KLHL2: variants seen among roughly 807,000 people sequenced by gnomAD.
The protein encoded by KLHL2 is kelch-like protein 2.
KLHL2 carries 15 observed loss-of-function variants against 75.8 expected under a neutral mutation model. The ratio of observed to expected loss-of-function variants is 0.20; its 90% CI spans 0.13 to 0.30. KLHL2 has a LOEUF of 0.30. Among genes scored for constraint, KLHL2 ranks in the 10% least tolerant of loss-of-function variants. The pLI is 1.00. For missense variants in KLHL2, 381 were observed against 741.0 expected (o/e 0.51, Z 5.64); for synonymous variants, 214 against 251.9 (o/e 0.85, Z 1.42).
intron 6 of KLHL2, among the ~76,000 whole-genome samples, chr4:165,294,816 C>T (rs1744792856): frequency 6.6e-6 from 1 of 152,206 alleles, no homozygotes; most frequent in South Asian, 2.1e-4. Flanking sequence ...CTTCCTACAA[C>T]TCAATGCCTG....
At chr4:165,299,447 T>C in intron 7 of KLHL2, 60 bp from the exon 8 acceptor site, 1 of 1,444,106 alleles carries the variant, frequency 6.9e-7, no homozygotes, top group Admixed American at 2.4e-5. Context: ...TCTTTTTCTT[T>C]GGCAATTTAA....
Position 165,314,007 on chromosome 4 carries a change from G to T in KLHL2, c.1469-19G>T, listed in dbSNP as rs182330523. Reference sequence around the variant, plus strand: ...TCTTGTTCTTTTTGCCCCTCTATTTGGCTGGTTGTGTTTTATAGGTGTTGG... The same window carrying T: ...TCTTGTTCTTTTTGCCCCTCTATTTTGCTGGTTGTGTTTTATAGGTGTTGG... On this transcript the variant is annotated intron_variant, in intron 12 of 14. Transcript: ENST00000226725. The T allele has an allele frequency of 1.9e-6, 3 of 1,602,400 alleles. No homozygotes were observed. The Admixed American group carries it at 5.2e-5, about 28-fold the overall frequency.
At chr4:165,303,825 A>G (rs1209620241) in intron 8 of KLHL2, among the ~76,000 whole-genome samples, 1 of 152,054 alleles carries the variant, frequency 6.6e-6, no homozygotes, top group East Asian at 1.9e-4. Flanking sequence ...TGGCCTCCCA[A>G]AGTGCTGGGA....
At chr4:165,219,232 G>A (rs192606582) in intron 1 of KLHL2, among the ~76,000 whole-genome samples, 189 of 151,968 alleles carry the variant, frequency 1.2e-3, no homozygotes, top group African/African-American at 4.4e-3. Context: ...AAAAGAACAA[G>A]ATGGAGAATC....
chr4:165,237,737 C>T (rs905047470), intron 3 of KLHL2, among the ~76,000 whole-genome samples: 49 of 152,240 alleles, frequency 3.2e-4, no homozygotes, highest in African/African-American at 1.1e-3. Context: ...AATAGTGGCA[C>T]GTTCTCATGC....
rs1187856274 is a variant in KLHL2 at position 165,264,721 on chromosome 4, C to CATATATATATATAT, written c.544+1367_544+1380dup. ...GTGTGTGTGTATATATATATATATACATATATATATATATATATGTATATA... is the reference window on the plus strand; with the variant it reads ...GTGTGTGTGTATATATATATATATACATATATATATATATATATATATATATATATATGTATATA... On this transcript the variant is annotated intron_variant, in intron 5 of 14. Coordinates refer to ENST00000226725, the MANE Select transcript of KLHL2 (RefSeq NM_007246.4). 1.8e-4 allele frequency among the ~76,000 whole-genome samples: 13 copies of CATATATATATATAT among 71,190 alleles called. 1 individual carries two copies. Among genetic ancestry groups the CATATATATATATAT allele is most frequent in the South Asian group, 1.3e-3 (2 of 1,536 alleles). The allele number at this position is 71,190 out of a possible 152,430, so 46.7% of individuals were successfully genotyped here. A position where few individuals can be genotyped will look rare whatever the true frequency, so the allele number is the denominator to read the frequency against.
intron 1 of KLHL2, chr4:165,210,263 TTG>T: frequency 1.5e-6 from 2 of 1,321,308 alleles, no homozygotes; most frequent in Non-Finnish European, 1.1e-6. Flanking sequence ...GTGCTTTTGC[TTG>T]TGTTCTCTTT....
intron 10 of KLHL2, 63 bp from the exon 11 acceptor site, chr4:165,311,401 C>CAT (rs1437728114): frequency 1.7e-6 from 2 of 1,160,408 alleles, no homozygotes; most frequent in East Asian, 4.8e-5. Flanking sequence ...AGTATTTTTC[C>CAT]ATATATATGA....
chr4:165,249,697 A>G (rs1201392068), intron 4 of KLHL2, among the ~76,000 whole-genome samples: 2 of 152,192 alleles, frequency 1.3e-5, no homozygotes, highest in African/African-American at 2.4e-5. Context: ...GGATGTGCCA[A>G]ACTCCACCAG....
Position 165,286,141 on chromosome 4 carries a change from G to T in KLHL2, c.545-8218G>T, listed in dbSNP as rs143638325. ...TGAAGCATAGCATCAGTGGAAAAAT[G>T]CACAATGATGAAAAGTCAGACCACA... On this transcript the variant is annotated intron_variant, in intron 5 of 14. Coordinates refer to ENST00000226725, the MANE Select transcript of KLHL2 (RefSeq NM_007246.4). Among the ~76,000 whole-genome samples the T allele has an allele frequency of 8.0e-3, 1,224 of 152,262 alleles. 22 individuals are homozygous for T. The highest frequency in any genetic ancestry group is 0.028 in the African/African-American group (1,152 of 41,532).
rs1382905213 is a variant in KLHL2 at position 165,322,482 on chromosome 4, T to TA, written c.*423dup. On this transcript the variant is annotated 3_prime_UTR_variant, in exon 15 of 15. Transcript: ENST00000226725. ...CAGGAACTGAAAATCTTTGAACAGA[T>TA]ATTAAAATCTACGTAAGTATACAAA... is the stretch of plus-strand genomic sequence containing the variant. 1.9e-5 allele frequency: 3 copies of TA among 156,202 alleles called. No homozygotes were observed. Among genetic ancestry groups the TA allele is most frequent in the African/African-American group, 7.2e-5 (3 of 41,554 alleles). 9.7% of individuals were successfully genotyped at this position (156,202 alleles called of 1,614,324 possible).
At chr4:165,316,899 G>T (rs1360524822) in intron 13 of KLHL2, among the ~76,000 whole-genome samples, 1 of 151,980 alleles carries the variant, frequency 6.6e-6, no homozygotes, top group Non-Finnish European at 1.5e-5. Context: ...GCTACTTTGG[G>T]GTTAAAAAAG....
intron 7 of KLHL2, among the ~76,000 whole-genome samples, chr4:165,299,022 A>G (rs891369734): frequency 6.9e-6 from 1 of 145,564 alleles, no homozygotes; most frequent in Non-Finnish European, 1.5e-5. Context: ...TACAAGATTT[A>G]TTTGTGTTAT....
rs556311242 is a variant in KLHL2 at position 165,303,916 on chromosome 4, C to T, written c.922-1692C>T. On this transcript the variant is annotated intron_variant, in intron 8 of 14. Transcript: ENST00000226725. ...TGTGAGACAGAGTCTCACTCTGTTG[C>T]CCAGGCTGAAGTGTAATGGTGCAAT... Among the ~76,000 whole-genome samples the T allele has an allele frequency of 7.9e-5, 12 of 151,230 alleles. No homozygotes were observed. The South Asian group carries it at 2.3e-3, about 29-fold the overall frequency.
chr4:165,293,803 A>T (rs908260909), intron 5 of KLHL2, among the ~76,000 whole-genome samples: 1 of 151,654 alleles, frequency 6.6e-6, no homozygotes, highest in South Asian at 2.1e-4. Context: ...GGCATGAGCC[A>T]CTGCGCCCGG....
chr4:165,270,393 G>A (rs149805576), intron 5 of KLHL2, among the ~76,000 whole-genome samples: 11,390 of 152,206 alleles, frequency 0.075, 892 homozygotes, highest in African/African-American at 0.2. Flanking sequence ...CTTTGAAGGA[G>A]AAGAGATGCT....
intron 4 of KLHL2, chr4:165,252,512 T>G (rs1192086913): frequency 6.6e-6 from 1 of 152,250 alleles, no homozygotes; most frequent in African/African-American, 2.4e-5. Context: ...TTAATGTGCT[T>G]CTGATAATCT....
chr4:165,270,078 A>G (rs879114213), intron 5 of KLHL2, among the ~76,000 whole-genome samples: 2 of 152,102 alleles, frequency 1.3e-5, no homozygotes, highest in South Asian at 2.1e-4. Context: ...TTGATCTTCA[A>G]TCAGTGATAT....
rs1579204864 is a variant in KLHL2 at position 165,322,683 on chromosome 4, T to C, written c.*623T>C. 1 of 152,688 alleles carries C rather than the reference T, an allele frequency of 6.5e-6. No individual in the cohort carries two copies. Among genetic ancestry groups the C allele is most frequent in the Non-Finnish European group, 1.5e-5 (1 of 68,064 alleles). The allele number at this position is 152,688 out of a possible 1,614,324, so 9.5% of individuals were successfully genotyped here. On this transcript the variant is annotated 3_prime_UTR_variant, in exon 15 of 15. Coordinates refer to ENST00000226725, the MANE Select transcript of KLHL2 (RefSeq NM_007246.4). The stretch of plus-strand genomic sequence containing the variant: ...ACAGTACTTTGAATTATGCCAGTAC[T>C]ACATTGTAAAACAGAGTTGTATTTT...
Sources: gnomAD v4.1 joint callset for allele counts (sites outside exome capture counted in the v4.1 genomes callset) on GRCh38, gnomAD v4.1.1 for gene constraint, MANE v1.5 for transcripts, NCBI Gene and HGNC (gene_info 2026-07-23, HGNC 2026-07-21) for gene names.